Variants in SLX4IP observed in about 807,000 individuals in gnomAD.
SLX4IP encodes protein SLX4IP.
A neutral mutation model predicts 32.9 loss-of-function variants in SLX4IP; 34 were observed. The ratio of observed to expected loss-of-function variants is 1.03; its 90% CI spans 0.79 to 1.38. The LOEUF is 1.38. SLX4IP is among the 40% of genes most tolerant of loss of function. The pLI is 0.00. For synonymous variants in SLX4IP, 172 were observed against 171.7 expected, an observed-to-expected ratio of 1.00 and a Z score of -0.01; for missense variants, 444 against 479.0, an observed-to-expected ratio of 0.93 and a Z score of 0.68.
chr20:10,575,712 A>C (rs2066516592), intron 4 of SLX4IP, among the ~76,000 whole-genome samples: 1 of 152,030 alleles, frequency 6.6e-6, no homozygotes, highest in Non-Finnish European at 1.5e-5. Flanking sequence ...TCTCTTATCT[A>C]GGAAGTACTT....
intron 2 of SLX4IP, among the ~76,000 whole-genome samples, chr20:10,544,961 G>A (rs1181432772): frequency 6.6e-6 from 1 of 152,034 alleles, no homozygotes; most frequent in East Asian, 1.9e-4. Flanking sequence ...TTAAACTTCA[G>A]CATATGCCAG....
chr20:10,545,446 G>A (rs2122483970), intron 2 of SLX4IP, among the ~76,000 whole-genome samples: 1 of 152,194 alleles, frequency 6.6e-6, no homozygotes, highest in African/African-American at 2.4e-5. Flanking sequence ...TAAATGTGTA[G>A]CCCCCTTGAT....
chr20:10,483,591 A>G (rs1475621053), intron 2 of SLX4IP, among the ~76,000 whole-genome samples: 2 of 152,218 alleles, frequency 1.3e-5, no homozygotes, highest in Non-Finnish European at 1.5e-5. Flanking sequence ...ATTACATATT[A>G]CAATTTAATT....
intron 4 of SLX4IP, among the ~76,000 whole-genome samples, chr20:10,565,532 T>A (rs1444282767): frequency 6.6e-6 from 1 of 152,020 alleles, no homozygotes; most frequent in Non-Finnish European, 1.5e-5. Flanking sequence ...CCCTTTTGAG[T>A]CCACCACAAG....
At chr20:10,502,557 C>T (rs2065727945) in intron 2 of SLX4IP, among the ~76,000 whole-genome samples, 1 of 151,516 alleles carries the variant, frequency 6.6e-6, no homozygotes, top group Admixed American at 6.6e-5. Flanking sequence ...TTTTCACAGC[C>T]TTTGTGTTTA....
chr20:10,513,793 G>T (rs1175449828), intron 2 of SLX4IP, among the ~76,000 whole-genome samples: 1 of 152,194 alleles, frequency 6.6e-6, no homozygotes, highest in Non-Finnish European at 1.5e-5. Context: ...CACAGCATCT[G>T]CCTGGCACTT....
At chr20:10,563,343 A>G (rs951261455) in intron 4 of SLX4IP, among the ~76,000 whole-genome samples, 1 of 152,244 alleles carries the variant, frequency 6.6e-6, no homozygotes, top group African/African-American at 2.4e-5. Flanking sequence ...ACTGTCTTCC[A>G]TTCTACAGGT....
chr20:10,457,656 T>C (rs1319147252), intron 1 of SLX4IP, among the ~76,000 whole-genome samples: 3 of 152,122 alleles, frequency 2.0e-5, no homozygotes, highest in African/African-American at 7.2e-5. Flanking sequence ...GACATTGATG[T>C]GTGGTTTTCT....
chr20:10,608,111 A>G (rs1038776562), intron 6 of SLX4IP, among the ~76,000 whole-genome samples: 2 of 152,176 alleles, frequency 1.3e-5, no homozygotes, highest in African/African-American at 4.8e-5. Flanking sequence ...GAGGCCCGTG[A>G]TCTCCATTGA....
At position 10,560,891 on chromosome 20, in the gene SLX4IP, G is replaced by T. The variant is rs183264601; in HGVS notation, c.238+71G>T. 2.5e-4 allele frequency: 347 copies of T among 1,370,346 alleles called. No individual in the cohort carries two copies. In the African/African-American group the frequency reaches 4.7e-3, roughly 18 times the overall value. The allele number at this position is 1,370,346 out of a possible 1,614,324, so 84.9% of individuals were successfully genotyped here. On this transcript the variant is annotated intron_variant, in intron 4 of 7. Coordinates refer to ENST00000334534, the MANE Select transcript of SLX4IP (RefSeq NM_001009608.3). ...TCTGCTCCGTAGAGATGGCAATTAT[G>T]TTTGACTCTGACTGTCATGTTAGTA...
intron 1 of SLX4IP, among the ~76,000 whole-genome samples, chr20:10,445,595 G>T (rs979882570): frequency 1.4e-5 from 2 of 148,028 alleles, no homozygotes; most frequent in African/African-American, 5.0e-5. Context: ...GATTACAGAT[G>T]TGAGCCACCA....
intron 4 of SLX4IP, among the ~76,000 whole-genome samples, chr20:10,562,124 G>A (rs75463534): frequency 0.018 from 2,734 of 152,264 alleles, 62 homozygotes; most frequent in African/African-American, 0.051. Flanking sequence ...TGCTTTTTCA[G>A]TTTAGCCGTC....
chr20:10,607,186 T>G (rs1412398463), intron 6 of SLX4IP, among the ~76,000 whole-genome samples: 3 of 152,222 alleles, frequency 2.0e-5, no homozygotes, highest in Admixed American at 1.3e-4. Context: ...TGTCTGCCTC[T>G]GCCACACCGT....
At chr20:10,594,103 A>G (rs1375074033) in intron 4 of SLX4IP, among the ~76,000 whole-genome samples, 3 of 152,232 alleles carry the variant, frequency 2.0e-5, no homozygotes, top group Non-Finnish European at 2.9e-5. Flanking sequence ...AGTTTAGAAA[A>G]TATGTGTATG....
At chr20:10,613,706 C>G (rs2066994098) in intron 6 of SLX4IP, 9 of 1,613,184 alleles carry the variant, frequency 5.6e-6, no homozygotes, top group Non-Finnish European at 7.6e-6. Context: ...AGGATGGGAC[C>G]TCTCCGGCGT....
chr20:10,616,703 A>T (rs2067037289), intron 6 of SLX4IP, among the ~76,000 whole-genome samples: 1 of 151,552 alleles, frequency 6.6e-6, no homozygotes, highest in Admixed American at 6.6e-5. Context: ...CTTGTCCTTC[A>T]CTCAGGTCTC....
At chr20:10,556,137 C>A in intron 2 of SLX4IP, 94 bp from the exon 3 acceptor site, 1 of 1,153,432 alleles carries the variant, frequency 8.7e-7, no homozygotes. Context: ...GCCATTTCAT[C>A]ATGAGCAACC....
intron 4 of SLX4IP, among the ~76,000 whole-genome samples, chr20:10,563,037 A>G (rs976625176): frequency 4.6e-5 from 7 of 152,200 alleles, no homozygotes; most frequent in African/African-American, 1.7e-4. Context: ...TGAATCATGT[A>G]TATGAGTTCC....
chr20:10,479,352 C>CTTTTTTTT (rs764474218), intron 2 of SLX4IP, among the ~76,000 whole-genome samples: 2 of 73,724 alleles, frequency 2.7e-5, no homozygotes, highest in Admixed American at 1.3e-4. Context: ...TTCCATATTT[C>CTTTTTTTT]TTTTTTTTTT....
Sources: gnomAD v4.1 joint callset for allele counts (sites outside exome capture counted in the v4.1 genomes callset) on GRCh38, gnomAD v4.1.1 for gene constraint, MANE v1.5 for transcripts, NCBI Gene and HGNC (gene_info 2026-07-23, HGNC 2026-07-21) for gene names.